Variants in CYP46A1 observed in about 807,000 individuals in gnomAD.
CYP46A1 encodes cytochrome P450 family 46 subfamily A member 1.
A neutral mutation model predicts 63.3 loss-of-function variants in CYP46A1; 20 were observed. The observed-to-expected ratio is 0.32, with a 90% CI of 0.22 to 0.46. The LOEUF (loss-of-function observed/expected upper bound fraction) is 0.46. CYP46A1 is among the 20% of genes least tolerant of loss of function. CYP46A1 has a pLI of 1.00. For synonymous variants in CYP46A1, 268 were observed against 273.6 expected, an observed-to-expected ratio of 0.98 and a Z score of 0.20; for missense variants, 445 against 670.8, an observed-to-expected ratio of 0.66 and a Z score of 3.72.
chr14:99,713,971 GAC>G lies in CYP46A1; in HGVS notation c.694-1837_694-1836del, dbSNP rs1316188303. 4.7e-5 allele frequency among the ~76,000 whole-genome samples: 7 copies of G among 150,328 alleles called. 1 individual carries two copies. The East Asian group carries it at 1.4e-3, about 29-fold the overall frequency. On this transcript the variant is annotated intron_variant, in intron 7 of 14. Coordinates refer to ENST00000261835, the MANE Select transcript of CYP46A1 (RefSeq NM_006668.2). ...AAAGAAACTATCAACAGAATAAAGA[GAC>G]AACTTGTTAAATGGGAGAAAGAATT...
chr14:99,685,088 A>C (rs1235491701), intron 1 of CYP46A1, among the ~76,000 whole-genome samples: 22 of 3,628 alleles, frequency 6.1e-3, no homozygotes, highest in Admixed American at 0.013. Context: ...CAACTTGCCA[A>C]CCCCCCCCCA....
chr14:99,717,055 C>T (rs1478291098), intron 9 of CYP46A1, among the ~76,000 whole-genome samples: 1 of 152,150 alleles, frequency 6.6e-6, no homozygotes, highest in Non-Finnish European at 1.5e-5. Flanking sequence ...AGTGTTAAAG[C>T]AAGGCTGCAG....
At chr14:99,720,964 A>C (rs2056840810) in intron 10 of CYP46A1, among the ~76,000 whole-genome samples, 1 of 152,080 alleles carries the variant, frequency 6.6e-6, no homozygotes, top group Non-Finnish European at 1.5e-5. Context: ...GGGTGCCTGT[A>C]ATCCCAGCTA....
In CYP46A1 at chr14:99,684,328, GCGCGGCGCTGACAGCTGAGTCGGCT is replaced by G. The variant is rs1443795521; in HGVS notation, c.-83_-59del. 21 of 732,418 alleles carry G rather than the reference GCGCGGCGCTGACAGCTGAGTCGGCT, an allele frequency of 2.9e-5. No homozygotes were observed. The highest frequency in any genetic ancestry group is 1.1e-4 in the South Asian group (2 of 17,440). 45.4% of individuals were successfully genotyped at this position (732,418 alleles called of 1,614,324 possible). On this transcript the variant is annotated 5_prime_UTR_variant, in exon 1 of 15. Coordinates refer to ENST00000261835, the MANE Select transcript of CYP46A1 (RefSeq NM_006668.2). ...GCGCCTGGCCTGGGGCCGAGGCGGC[GCGCGGCGCTGACAGCTGAGTCGGCT>G]CGCGGCCTCCCGGCCCCCTCGGCGC... is the stretch of plus-strand genomic sequence containing the variant.
At chr14:99,706,558 C>T in intron 5 of CYP46A1, 89 bp from the exon 6 acceptor site, 3 of 1,551,034 alleles carry the variant, frequency 1.9e-6, no homozygotes, top group Admixed American at 3.5e-5. Context: ...TCACTCTGCA[C>T]AGTATCCTCT....
intron 9 of CYP46A1, among the ~76,000 whole-genome samples, chr14:99,716,727 G>A (rs573261697): frequency 6.6e-6 from 1 of 152,304 alleles, no homozygotes; most frequent in East Asian, 1.9e-4. Context: ...TTTATTTGTG[G>A]TAATTGAGTG....
chr14:99,688,299 C>T (rs1283560766), intron 1 of CYP46A1, among the ~76,000 whole-genome samples: 1 of 152,194 alleles, frequency 6.6e-6, no homozygotes, highest in African/African-American at 2.4e-5. Context: ...TGCGGGCAGG[C>T]GGCCACCCCG....
chr14:99,725,261 G>T lies in CYP46A1; in HGVS notation c.1177-130G>T. On this transcript the variant is annotated intron_variant, in intron 12 of 14. Coordinates refer to ENST00000261835, the MANE Select transcript of CYP46A1 (RefSeq NM_006668.2). This position sits in a 1 kb window ranked among gnomAD's most constrained non-coding sequence, Gnocchi z 4.2. ...GCAATGGACACCAACCTAGATGAGG[G>T]GTGAAGACATGGGGGGAGGAGAGTG... is the stretch of plus-strand genomic sequence containing the variant. The T allele has an allele frequency of 1.5e-6, 1 of 683,976 alleles. No individual in the cohort carries two copies. Among genetic ancestry groups the T allele is most frequent in the South Asian group, 1.7e-5 (1 of 57,692 alleles). The allele number at this position is 683,976 out of a possible 1,614,324, so 42.4% of individuals were successfully genotyped here. A position where few individuals can be genotyped will look rare whatever the true frequency, so the allele number is the denominator to read the frequency against.
At chr14:99,689,664 A>T (rs189168029) in intron 1 of CYP46A1, among the ~76,000 whole-genome samples, 38 of 152,214 alleles carry the variant, frequency 2.5e-4, no homozygotes, top group Non-Finnish European at 4.6e-4. Context: ...TCACACCCCC[A>T]TAGCCAAACG....
chr14:99,702,907 T>G (rs2056644527), intron 5 of CYP46A1, among the ~76,000 whole-genome samples: 1 of 152,256 alleles, frequency 6.6e-6, no homozygotes, highest in Non-Finnish European at 1.5e-5. Context: ...CTGTTTTCTT[T>G]GTCTAAAATC....
At position 99,689,800 on chromosome 14, in the gene CYP46A1, C is replaced by T. The variant is rs12432804; in HGVS notation, c.120-1281C>T. On this transcript the variant is annotated intron_variant, in intron 1 of 14. Transcript: ENST00000261835. ...CAGTCCTTCCCTGTCACTAGTGTCC[C>T]TGCTTCCTCCCCTACCCTGGTTACT... Among the ~76,000 whole-genome samples the T allele has an allele frequency of 2.0e-3, 300 of 152,310 alleles. 6 individuals carry two copies. In the Middle Eastern group the frequency reaches 0.024, roughly 12 times the overall value.
At chr14:99,699,130 T>C (rs1253893036) in intron 3 of CYP46A1, among the ~76,000 whole-genome samples, 1 of 151,832 alleles carries the variant, frequency 6.6e-6, no homozygotes, top group Non-Finnish European at 1.5e-5. Context: ...CTCACTCTGG[T>C]TTCAGAGCAG....
In CYP46A1 at chr14:99,699,996, A is replaced by T; in HGVS notation, c.357-19A>T. On this transcript the variant is annotated intron_variant, in intron 4 of 14. Transcript: ENST00000261835. The stretch of plus-strand genomic sequence containing the variant: ...CACCCCCCACCCTCTTTCCCGCATC[A>T]CGTGTGTGTCTCCTACAGACTCTTC... 2.3e-6 allele frequency: 2 copies of T among 858,996 alleles called. No homozygotes were observed. The highest frequency in any genetic ancestry group is 3.3e-6 in the Non-Finnish European group (2 of 611,884). The allele number at this position is 858,996 out of a possible 1,614,324, so 53.2% of individuals were successfully genotyped here. A position where few individuals can be genotyped will look rare whatever the true frequency, so the allele number is the denominator to read the frequency against.
chr14:99,721,970 G>A lies in CYP46A1; in HGVS notation c.1080G>A (p.Ser360=), dbSNP rs1595208037. 11 of 1,613,194 alleles carry A rather than the reference G, an allele frequency of 6.8e-6. No homozygotes were observed. Among genetic ancestry groups the A allele is most frequent in the African/African-American group, 2.7e-5 (2 of 74,998 alleles). ...LQYLSQVLKE[S]LRLYPPAWGT... The stretch of plus-strand genomic sequence containing the variant: ...GGCTTCTCTAGGTCCTCAAAGAGTC[G>A]CTGAGGCTGTACCCACCAGCATGGG... Residue 360 remains serine (S), a synonymous_variant, in exon 12 of 15, where the codon TCG becomes TCA. Transcript: ENST00000261835.
chr14:99,691,960 C>A (rs1412531543), intron 3 of CYP46A1, 99 bp downstream of exon 3: 5 of 1,250,064 alleles, frequency 4.0e-6, no homozygotes, highest in African/African-American at 1.5e-5. Context: ...TGTTCCAGAG[C>A]CAGGCGCATT....
At chr14:99,699,180 T>G (rs544812819) in intron 3 of CYP46A1, among the ~76,000 whole-genome samples, 38 of 152,190 alleles carry the variant, frequency 2.5e-4, no homozygotes, top group African/African-American at 8.7e-4. Flanking sequence ...GAAGGTGACA[T>G]GGTATGGGGT....
chr14:99,685,092 C>A (rs1311292631), intron 1 of CYP46A1, among the ~76,000 whole-genome samples: 1 of 33,366 alleles, frequency 3.0e-5, no homozygotes, highest in Non-Finnish European at 6.8e-5. Flanking sequence ...TTGCCAACCC[C>A]CCCCCACCCC....
In CYP46A1 at chr14:99,726,819, G is replaced by A. The variant is rs772737565; in HGVS notation, c.*92G>A. ...GCCACCCACCCTTCTCCCCTGCCCC[G>A]TCCCCTGGGCCACCCTTCACGCTGG... On this transcript the variant is annotated 3_prime_UTR_variant, in exon 15 of 15. Coordinates refer to ENST00000261835, the MANE Select transcript of CYP46A1 (RefSeq NM_006668.2). 92 of 1,083,102 alleles carry A rather than the reference G, an allele frequency of 8.5e-5. No individual in the cohort carries two copies. The highest frequency in any genetic ancestry group is 1.0e-4 in the Non-Finnish European group (82 of 804,220). 67.1% of individuals were successfully genotyped at this position (1,083,102 alleles called of 1,614,324 possible).
Position 99,684,493 on chromosome 14 carries a change from G to A in CYP46A1, c.76G>A (p.Ala26Thr), listed in dbSNP as rs1043554276. The A allele has an allele frequency of 6.8e-7, 1 of 1,480,332 alleles. No homozygotes were observed. Among genetic ancestry groups the A allele is most frequent in the African/African-American group, 1.5e-5 (1 of 68,162 alleles). The allele number at this position is 1,480,332 out of a possible 1,614,324, so 91.7% of individuals were successfully genotyped here. The change falls in exon 1 of 15, where the codon GCT (alanine) becomes ACT (threonine). Residue 26 changes from alanine (A) to threonine (T), a missense_variant. This residue lies in a region of CYP46A1 where 252 missense variants were observed against 383.3 expected (regional missense o/e 0.66). Transcript: ENST00000261835. The stretch of plus-strand genomic sequence containing the variant: ...CCTCTGCTGCACCTTCGTGCACCGC[G>A]CTCGCAGCCGCTACGAGCACATCCC... ...FGLCCTFVHRARSRYEHIPGP... is the reference protein window; with the variant it reads ...FGLCCTFVHRTRSRYEHIPGP...
Sources: allele counts gnomAD v4.1 joint callset (sites outside exome capture counted in the v4.1 genomes callset), GRCh38; gene constraint gnomAD v4.1.1; regional missense constraint gnomAD v4.1.1; non-coding constraint Gnocchi (gnomAD v3.1); transcripts MANE v1.5; gene names NCBI Gene and HGNC (gene_info 2026-07-23, HGNC 2026-07-21).